The following ACSL3 variants were observed in gnomAD, a reference collection of about 807,000 sequenced individuals.
The protein encoded by ACSL3 is fatty acid CoA ligase Acsl3.
In ACSL3, 34 loss-of-function variants were observed where a neutral mutation model predicts 84.7. The ratio of observed to expected loss-of-function variants is 0.40; its 90% CI spans 0.31 to 0.53. The LOEUF (loss-of-function observed/expected upper bound fraction) is 0.53. ACSL3 is among the 20% of genes least tolerant of loss of function. The probability of loss-of-function intolerance (pLI) is 0.48; values close to 1 mark genes in which losing one functional copy is unlikely to be tolerated. For synonymous variants in ACSL3, 315 were observed against 299.4 expected, an observed-to-expected ratio of 1.05 and a Z score of -0.54; for missense variants, 680 against 873.1, an observed-to-expected ratio of 0.78 and a Z score of 2.79.
At chr2:222,862,877 C>G (rs1574508862) in intron 1 of ACSL3, among the ~76,000 whole-genome samples, 1 of 152,154 alleles carries the variant, frequency 6.6e-6, no homozygotes. Flanking sequence ...CTAAAATGTT[C>G]TCCTTGAAGG....
rs990611716 is a variant in ACSL3, at chr2:222,942,187, A to C, written c.*533A>C. On this transcript the variant is annotated 3_prime_UTR_variant, in exon 17 of 17. Transcript: ENST00000357430. ...GTAATTATTGTCTTGTATGCATTTG[A>C]GAGAAATAAATATACCCATACTTAT... is the stretch of plus-strand genomic sequence containing the variant. 6.7e-5 allele frequency: 13 copies of C among 194,542 alleles called. No homozygotes were observed. In the Admixed American group the frequency reaches 7.3e-4, roughly 11 times the overall value. The allele number at this position is 194,542 out of a possible 1,614,324, so 12.1% of individuals were successfully genotyped here.
rs372421754 is a variant in ACSL3, at chr2:222,919,047, T to A, written c.667-17T>A. On this transcript the variant is annotated splice_polypyrimidine_tract_variant and intron_variant, in intron 6 of 16. Transcript: ENST00000357430. The stretch of plus-strand genomic sequence containing the variant: ...CTTGAAAAATAATGAACGTGATGAA[T>A]GTTGGTGTATTTCTAGGATATAGTT... The A allele has an allele frequency of 1.7e-5, 28 of 1,612,050 alleles. No homozygotes were observed. The African/African-American group carries it at 3.5e-4, about 20-fold the overall frequency.
intron 16 of ACSL3, among the ~76,000 whole-genome samples, chr2:222,936,600 C>G (rs945543117): frequency 8.9e-6 from 1 of 112,732 alleles, no homozygotes; most frequent in African/African-American, 3.6e-5. Flanking sequence ...AATCAGAATT[C>G]TGCACCCTCC....
rs1411651413 is a variant in ACSL3 at position 222,941,634 on chromosome 2, C to T, written c.2143C>T (p.Arg715Ter). The T allele has an allele frequency of 7.4e-6, 12 of 1,612,432 alleles. No homozygotes were observed. The highest frequency in any genetic ancestry group is 1.0e-5 in the Non-Finnish European group (12 of 1,179,380). ...AACACATTACCAGGCGGACATTGAG[C>T]GAATGTATGGAAGAAAATAATTATT... is the stretch of plus-strand genomic sequence containing the variant. ...LKTHYQADIERMYGRK is the reference protein window; with the variant it reads ...LKTHYQADIE The change falls in exon 17 of 17, where the codon CGA becomes TGA. Residue 715 changes from arginine to a stop codon, truncating the protein, a stop_gained. Transcript: ENST00000357430. LOFTEE classifies it high-confidence loss of function.
chr2:222,862,346 G>A (rs1484607890), intron 1 of ACSL3, among the ~76,000 whole-genome samples: 5 of 152,166 alleles, frequency 3.3e-5, no homozygotes, highest in Non-Finnish European at 7.3e-5. Flanking sequence ...TAAATCCAGA[G>A]CTCTGAAATC....
At chr2:222,916,254 A>T (rs1364110164) in intron 4 of ACSL3, 65 bp from the exon 5 acceptor site, 2 of 1,101,136 alleles carry the variant, frequency 1.8e-6, no homozygotes, top group Non-Finnish European at 2.5e-6. Context: ...TTTGGACGAT[A>T]TTCTGGTTTC....
intron 2 of ACSL3, among the ~76,000 whole-genome samples, chr2:222,891,435 G>C (rs1695842888): frequency 6.6e-6 from 1 of 152,196 alleles, no homozygotes; most frequent in Non-Finnish European, 1.5e-5. Context: ...ATGCATGTGT[G>C]TATATGTATT....
rs761524184 is a variant in ACSL3 at position 222,924,590 on chromosome 2, C to T, written c.1287C>T (p.Cys429=). The T allele has an allele frequency of 1.3e-5, 20 of 1,597,730 alleles. No individual in the cohort carries two copies. The Admixed American group carries it at 2.3e-4, about 18-fold the overall frequency. ...QISKGRNTPL[C]DSFVFRKVRS... ...CAAAAGGACGTAATACTCCACTGTG[C>T]GACAGGTAAGTAAAGACTCTCTACC... is the stretch of plus-strand genomic sequence containing the variant. Residue 429 remains cysteine, a synonymous_variant, in exon 11 of 17, where the codon TGC becomes TGT. Transcript: ENST00000357430.
At chr2:222,929,636 G>C (rs1311893386) in intron 13 of ACSL3, among the ~76,000 whole-genome samples, 1 of 151,974 alleles carries the variant, frequency 6.6e-6, no homozygotes, top group East Asian at 2.0e-4. Flanking sequence ...AAATTAGCCA[G>C]GCGTGGTGGT....
At chr2:222,905,598 C>T (rs957237281) in intron 3 of ACSL3, among the ~76,000 whole-genome samples, 3 of 152,122 alleles carry the variant, frequency 2.0e-5, no homozygotes, top group Non-Finnish European at 2.9e-5. Context: ...GTAGCAAGAC[C>T]GTTTGTTTTC....
At position 222,888,109 on chromosome 2, in the gene ACSL3, GA is replaced by G. The variant is rs576221989; in HGVS notation, c.-148+223del. On this transcript the variant is annotated intron_variant, in intron 2 of 16. Transcript: ENST00000357430. Reference sequence around the variant, plus strand: ...TTGTCTATCTTCCTTTCCTTAACTTGAATTTCACTAAGTATCTGCAAGGGAT... The same window carrying G: ...TTGTCTATCTTCCTTTCCTTAACTTGATTTCACTAAGTATCTGCAAGGGAT... 2.9e-3 allele frequency among the ~76,000 whole-genome samples: 444 copies of G among 152,144 alleles called. 2 individuals carry two copies. The highest frequency in any genetic ancestry group is 0.01 in the African/African-American group (423 of 41,490).
intron 1 of ACSL3, among the ~76,000 whole-genome samples, chr2:222,886,524 T>C (rs1434255038): frequency 1.3e-5 from 2 of 152,238 alleles, no homozygotes; most frequent in Non-Finnish European, 2.9e-5. Flanking sequence ...AGCTTTTAGC[T>C]CTACTTGTTA....
At chr2:222,892,420 C>G (rs990074653) in intron 2 of ACSL3, among the ~76,000 whole-genome samples, 2 of 152,146 alleles carry the variant, frequency 1.3e-5, no homozygotes, top group African/African-American at 4.8e-5. Flanking sequence ...GGGTGCCCCT[C>G]TAAAAAAGAA....
At chr2:222,878,552 A>G (rs1574520833) in intron 1 of ACSL3, among the ~76,000 whole-genome samples, 1 of 152,028 alleles carries the variant, frequency 6.6e-6, no homozygotes, top group South Asian at 2.1e-4. Flanking sequence ...TCTGCCCTTA[A>G]TCCTTTATCC....
At chr2:222,922,554 G>C (rs75892084) in intron 8 of ACSL3, among the ~76,000 whole-genome samples, 154 bp from the exon 9 acceptor site, 2 of 150,688 alleles carry the variant, frequency 1.3e-5, no homozygotes, top group Admixed American at 6.6e-5. Flanking sequence ...GTTTTCACCT[G>C]TCTCTCTCTC....
At chr2:222,929,125 CTAT>C (rs879474311) in intron 13 of ACSL3, among the ~76,000 whole-genome samples, 189 bp downstream of exon 13, 2 of 152,094 alleles carry the variant, frequency 1.3e-5, no homozygotes, top group African/African-American at 2.4e-5. Flanking sequence ...TTCTGAAGAA[CTAT>C]TATTGTTTTC....
chr2:222,939,010 T>C (rs1401501212), intron 16 of ACSL3, among the ~76,000 whole-genome samples: 1 of 151,646 alleles, frequency 6.6e-6, no homozygotes, highest in Non-Finnish European at 1.5e-5. Flanking sequence ...CATGCGTTGT[T>C]TTCTTGTTTT....
chr2:222,883,522 T>C (rs544180726), intron 1 of ACSL3, among the ~76,000 whole-genome samples: 52 of 152,278 alleles, frequency 3.4e-4, no homozygotes, highest in African/African-American at 1.2e-3. Flanking sequence ...GATATTCTTA[T>C]ACTCTGAGCT....
At chr2:222,877,529 A>T (rs1251305024) in intron 1 of ACSL3, among the ~76,000 whole-genome samples, 1 of 152,220 alleles carries the variant, frequency 6.6e-6, no homozygotes, top group Non-Finnish European at 1.5e-5. Context: ...TTTATTAGAT[A>T]CTAACCTCAG....
Sources: gnomAD v4.1 joint callset for allele counts (sites outside exome capture counted in the v4.1 genomes callset) on GRCh38, gnomAD v4.1.1 for gene constraint, MANE v1.5 for transcripts, NCBI Gene and HGNC (gene_info 2026-07-23, HGNC 2026-07-21) for gene names.